Variants in WDR82 observed in about 807,000 individuals in gnomAD.
The protein encoded by WDR82 is WD repeat-containing protein 82.
In WDR82, 8 loss-of-function variants were observed where a neutral mutation model predicts 36.1. The ratio of observed to expected loss-of-function variants is 0.22; its 90% CI spans 0.13 to 0.40. The LOEUF is 0.40. Ranked by LOEUF, WDR82 falls within the 10% of genes least tolerant of loss-of-function variation. The pLI, the probability that WDR82 is intolerant of heterozygous loss-of-function variation, is 1.00. For synonymous variants in WDR82, 129 were observed against 137.8 expected, an observed-to-expected ratio of 0.94 and a Z score of 0.45; for missense variants, 185 against 400.5, an observed-to-expected ratio of 0.46 and a Z score of 4.59.
intron 1 of WDR82, 174 bp downstream of exon 1, chr3:52,278,027 G>A (rs78427693): frequency 1.1e-4 from 52 of 466,540 alleles, no homozygotes; most frequent in African/African-American, 9.6e-4. Flanking sequence ...TTTTTTTTAA[G>A]AAGAAAAAAA....
chr3:52,278,332 G>A lies in WDR82; in HGVS notation c.30C>T (p.Ser10=). The change falls in exon 1 of 9, where the codon AGC becomes AGT. Residue 10 remains serine, a synonymous_variant. Coordinates refer to ENST00000296490, the MANE Select transcript of WDR82 (RefSeq NM_025222.4). MKLTDSVLR[S]FRVAKVFREN... ...CGCGGAACACCTTAGCGACGCGGAAGCTCCGCAACACGCTGTCGGTCAGCT... is the reference window on the plus strand; with the variant it reads ...CGCGGAACACCTTAGCGACGCGGAAACTCCGCAACACGCTGTCGGTCAGCT... 1 of 1,596,620 alleles carries A rather than the reference G, an allele frequency of 6.3e-7. No homozygotes were observed. The highest frequency in any genetic ancestry group is 8.5e-7 in the Non-Finnish European group (1 of 1,173,498).
chr3:52,276,643 G>A (rs1700205644), intron 1 of WDR82, among the ~76,000 whole-genome samples: 1 of 152,118 alleles, frequency 6.6e-6, no homozygotes, highest in Non-Finnish European at 1.5e-5. Context: ...ATGCAAGCCA[G>A]CTTCAAATTA....
At chr3:52,275,509 T>C (rs1430150007) in intron 1 of WDR82, among the ~76,000 whole-genome samples, 2 of 152,348 alleles carry the variant, frequency 1.3e-5, no homozygotes, top group East Asian at 3.9e-4. Context: ...CTCAAGAGCA[T>C]GCCCTGTAGT....
intron 3 of WDR82, among the ~76,000 whole-genome samples, chr3:52,264,771 G>A (rs960400776): frequency 6.0e-4 from 92 of 152,140 alleles, no homozygotes; most frequent in African/African-American, 2.1e-3. Flanking sequence ...CAGAATTTAG[G>A]TGGAAGGGAT....
In WDR82 at chr3:52,256,449, A is replaced by T. The variant is rs541625162; in HGVS notation, c.*1041T>A. 1.3e-5 allele frequency: 2 copies of T among 153,922 alleles called. No individual in the cohort carries two copies. The highest frequency in any genetic ancestry group is 4.1e-4 in the South Asian group (2 of 4,824). 9.5% of individuals were successfully genotyped at this position (153,922 alleles called of 1,614,324 possible). A position where few individuals can be genotyped will look rare whatever the true frequency, so the allele number is the denominator to read the frequency against. On this transcript the variant is annotated 3_prime_UTR_variant, in exon 9 of 9. Coordinates refer to ENST00000296490, the MANE Select transcript of WDR82 (RefSeq NM_025222.4). Reference sequence around the variant, plus strand: ...ACAAACAACAGAAATCAAAGGTCATATATAAAAACGCTAAATATGACATAT... The same window carrying T: ...ACAAACAACAGAAATCAAAGGTCATTTATAAAAACGCTAAATATGACATAT...
At chr3:52,274,274 T>C (rs1271068154) in intron 1 of WDR82, among the ~76,000 whole-genome samples, 1 of 152,224 alleles carries the variant, frequency 6.6e-6, no homozygotes, top group Non-Finnish European at 1.5e-5. Context: ...CTAATAAAGA[T>C]ACTATGCCTT....
At chr3:52,265,171 G>C (rs1262390142) in intron 3 of WDR82, among the ~76,000 whole-genome samples, 1 of 151,660 alleles carries the variant, frequency 6.6e-6, no homozygotes, top group South Asian at 2.1e-4. Context: ...TTGGTGGCGG[G>C]TGCCTGTGGT....
At chr3:52,259,364 C>T in intron 6 of WDR82, 98 bp from the exon 7 acceptor site, 1 of 1,221,004 alleles carries the variant, frequency 8.2e-7, no homozygotes, top group Non-Finnish European at 1.2e-6. Context: ...CCTTCCTTTC[C>T]ATGAAACCCT....
chr3:52,259,335 T>C, intron 6 of WDR82, 69 bp from the exon 7 acceptor site: 2 of 1,455,734 alleles, frequency 1.4e-6, no homozygotes, highest in Non-Finnish European at 1.9e-6. Context: ...CTACAAACAC[T>C]GACTCAGCAC....
intron 3 of WDR82, among the ~76,000 whole-genome samples, chr3:52,264,752 C>T (rs930450382): frequency 1.3e-5 from 2 of 151,950 alleles, no homozygotes; most frequent in African/African-American, 2.4e-5. Context: ...GAAAGGATTC[C>T]AAGGAAGACA....
intron 3 of WDR82, among the ~76,000 whole-genome samples, chr3:52,263,934 C>T (rs1347177040): frequency 1.3e-5 from 2 of 152,168 alleles, no homozygotes; most frequent in African/African-American, 2.4e-5. Flanking sequence ...GAGGCTGAGG[C>T]GGATGGATCA....
chr3:52,257,419 A>G lies in WDR82; in HGVS notation c.*71T>C. 6.2e-7 allele frequency: 1 copy of G among 1,601,076 alleles called. No homozygotes were observed. Among genetic ancestry groups the G allele is most frequent in the Non-Finnish European group, 8.6e-7 (1 of 1,168,212 alleles). On this transcript the variant is annotated 3_prime_UTR_variant, in exon 9 of 9. Coordinates refer to ENST00000296490, the MANE Select transcript of WDR82 (RefSeq NM_025222.4). ...AGTCAAATGATCCAATCCCACTATT[A>G]TCTCAGTTCCCTCTGAGTTTCTTCC...
intron 1 of WDR82, 124 bp downstream of exon 1, chr3:52,278,077 T>C (rs1351250124): frequency 1.9e-6 from 2 of 1,075,402 alleles, no homozygotes; most frequent in Non-Finnish European, 2.5e-6. Context: ...GAGGCGGCCC[T>C]GGCAGGAACG....
In WDR82 at chr3:52,270,822, T is replaced by C; in HGVS notation, c.162-13A>G. ...GGTTCTCTTTGGTCTGATAAGAAAA[T>C]AGAGACAGAAAATCATGAACATTCT... On this transcript the variant is annotated splice_polypyrimidine_tract_variant and intron_variant, in intron 1 of 8. Transcript: ENST00000296490. 1.3e-6 allele frequency: 2 copies of C among 1,559,640 alleles called. No homozygotes were observed. Among genetic ancestry groups the C allele is most frequent in the South Asian group, 1.2e-5 (1 of 84,076 alleles).
chr3:52,270,578 T>C, intron 2 of WDR82, 134 bp downstream of exon 2: 1 of 692,286 alleles, frequency 1.4e-6, no homozygotes, highest in Admixed American at 3.0e-5. Flanking sequence ...GTCAAAACAA[T>C]GCAATTAACA....
At position 52,278,134 on chromosome 3, in the gene WDR82, A is replaced by C. The variant is rs528685977; in HGVS notation, c.161+67T>G. On this transcript the variant is annotated intron_variant, in intron 1 of 8. Transcript: ENST00000296490. ...TGAAGTCGGGACGGAGGGCAGGCCG[A>C]GGGACCTGTGCTGGGCCACCGGAGG... 11 of 1,413,348 alleles carry C rather than the reference A, an allele frequency of 7.8e-6. No individual in the cohort carries two copies. In the South Asian group the frequency reaches 1.7e-4, roughly 22 times the overall value. The allele number at this position is 1,413,348 out of a possible 1,614,324, so 87.6% of individuals were successfully genotyped here. A position where few individuals can be genotyped will look rare whatever the true frequency, so the allele number is the denominator to read the frequency against.
intron 6 of WDR82, 41 bp from the exon 7 acceptor site, chr3:52,259,307 A>G: frequency 1.9e-6 from 3 of 1,600,556 alleles, no homozygotes; most frequent in Non-Finnish European, 2.6e-6. Context: ...TTACAGAGCC[A>G]TTAATAAAAA....
intron 5 of WDR82, 78 bp downstream of exon 5, chr3:52,260,307 C>T (rs1700050084): frequency 1.9e-6 from 2 of 1,077,542 alleles, no homozygotes; most frequent in Admixed American, 3.1e-5. Context: ...CCAGCCTGGG[C>T]AATAAGAGCA....
intron 3 of WDR82, among the ~76,000 whole-genome samples, chr3:52,263,871 C>T (rs1247740736): frequency 6.6e-6 from 1 of 152,148 alleles, no homozygotes; most frequent in Non-Finnish European, 1.5e-5. Flanking sequence ...GTGTATAAAA[C>T]ATGTAGGTGG....
Sources: gnomAD v4.1 joint callset for allele counts (sites outside exome capture counted in the v4.1 genomes callset) on GRCh38, gnomAD v4.1.1 for gene constraint, MANE v1.5 for transcripts, NCBI Gene and HGNC (gene_info 2026-07-23, HGNC 2026-07-21) for gene names.